Variants in IQSEC1 observed in about 807,000 individuals in gnomAD.
IQSEC1 encodes IQ motif and Sec7 domain ArfGEF 1, also known as IQ motif and SEC7 domain-containing protein 1.
Under a neutral mutation model 91.0 loss-of-function variants are expected in IQSEC1, and 31 were observed. The observed-to-expected ratio is 0.34, with a 90% CI of 0.26 to 0.46. The LOEUF (loss-of-function observed/expected upper bound fraction) is 0.46, where lower values mean the gene tolerates loss of function less well. IQSEC1 is among the 20% of genes least tolerant of loss of function. The pLI, the probability that IQSEC1 is intolerant of heterozygous loss-of-function variation, is 1.00. For synonymous variants in IQSEC1, 699 were observed against 662.6 expected (o/e 1.05, Z -0.84); for missense variants, 1,388 against 1,575.6 (o/e 0.88, Z 2.02).
intron 1 of IQSEC1, 46 bp from the exon 2 acceptor site, chr3:12,941,911 T>C: frequency 6.6e-7 from 1 of 1,509,710 alleles, no homozygotes; most frequent in Non-Finnish European, 8.9e-7. Flanking sequence ...GCGGGAAATC[T>C]GAACACGACA....
In IQSEC1 at chr3:13,133,328, C is replaced by T. The variant is rs192955041; in HGVS notation, c.302+30776G>A. ...CTTGGTTCTCTTAGCAGGGATATTA[C>T]AGAAGTGGCTGGACCAGGTCACACT... On this transcript the variant is annotated intron_variant, in intron 2 of 15. Coordinates refer to the IQSEC1 transcript ENST00000648114. Among the ~76,000 whole-genome samples the T allele has an allele frequency of 1.4e-4, 22 of 152,346 alleles. 1 individual carries two copies. The highest frequency in any genetic ancestry group is 1.3e-3 in the Admixed American group (20 of 15,306).
rs1048778836 is a variant in IQSEC1 at position 13,059,667 on chromosome 3, C to T, written c.23+13325G>A. On this transcript the variant is annotated intron_variant, in intron 1 of 13. Transcript: ENST00000613206. ...TTGGGAGGCTGAGGTGGGAGGATCA[C>T]CCGAGCCCAGGAGTTCAAGGCTCCA... is the stretch of plus-strand genomic sequence containing the variant. 6.6e-5 allele frequency among the ~76,000 whole-genome samples: 10 copies of T among 152,270 alleles called. No homozygotes were observed. In the East Asian group the frequency reaches 1.5e-3, roughly 24 times the overall value.
chr3:13,066,058 G>C (rs1471988924), intron 1 of IQSEC1, among the ~76,000 whole-genome samples: 6 of 152,216 alleles, frequency 3.9e-5, no homozygotes, highest in African/African-American at 1.4e-4. Flanking sequence ...AGAGCAGAAT[G>C]GTGGGTGCCA....
intron 1 of IQSEC1, among the ~76,000 whole-genome samples, chr3:12,959,542 G>A (rs1475009885): frequency 1.3e-5 from 2 of 152,140 alleles, no homozygotes; most frequent in Non-Finnish European, 2.9e-5. Flanking sequence ...ATCCCAAATG[G>A]GTCAGACACC....
intron 1 of IQSEC1, among the ~76,000 whole-genome samples, chr3:13,054,708 T>C (rs1475723631): frequency 6.6e-6 from 1 of 152,182 alleles, no homozygotes; most frequent in African/African-American, 2.4e-5. Flanking sequence ...GCCTCTGGAC[T>C]TGAGCCCAGG....
At chr3:13,217,364 C>T (rs994917771) in intron 1 of IQSEC1, among the ~76,000 whole-genome samples, 5 of 152,304 alleles carry the variant, frequency 3.3e-5, no homozygotes, top group African/African-American at 7.2e-5. Context: ...AGTCTGGTGG[C>T]GGGGCTTCCT....
At chr3:12,925,246 C>A (rs1214563536) in intron 3 of IQSEC1, among the ~76,000 whole-genome samples, 1 of 152,232 alleles carries the variant, frequency 6.6e-6, no homozygotes. Context: ...TCTGAGCAGA[C>A]TGGAACCCTC....
At chr3:13,255,510 A>G (rs142424299) in intron 1 of IQSEC1, among the ~76,000 whole-genome samples, 3 of 152,312 alleles carry the variant, frequency 2.0e-5, no homozygotes, top group African/African-American at 7.2e-5. Context: ...CACTTCAACT[A>G]ACACAGGAAA....
At chr3:13,065,336 T>A (rs1705197516) in intron 1 of IQSEC1, among the ~76,000 whole-genome samples, 1 of 152,216 alleles carries the variant, frequency 6.6e-6, no homozygotes, top group African/African-American at 2.4e-5. Context: ...GACACAGCCG[T>A]GGCCTCTGGG....
chr3:12,955,541 T>A (rs1278534449), intron 1 of IQSEC1, among the ~76,000 whole-genome samples: 2 of 152,148 alleles, frequency 1.3e-5, no homozygotes, highest in Non-Finnish European at 2.9e-5. Flanking sequence ...GGCATCACTA[T>A]CAGTGCCACA....
chr3:13,038,197 T>C (rs1704106359), intron 1 of IQSEC1, among the ~76,000 whole-genome samples: 1 of 146,696 alleles, frequency 6.8e-6, no homozygotes, highest in Non-Finnish European at 1.5e-5. Context: ...TATAAGTATG[T>C]ATAAAAATAT....
chr3:13,202,712 G>A (rs192422830), intron 1 of IQSEC1, among the ~76,000 whole-genome samples: 14 of 152,206 alleles, frequency 9.2e-5, no homozygotes, highest in African/African-American at 2.6e-4. Flanking sequence ...TGATAGTGAC[G>A]GTTGTATGAC....
In IQSEC1 at chr3:12,908,357, G is replaced by C; in HGVS notation, c.2747C>G (p.Ser916Trp). ...CTAGGCCAAGCTCTTACCGGCTTCC[G>C]AGAGGTCCCGCAGGGAGCTGCTGAG... is the stretch of plus-strand genomic sequence containing the variant. ...SALSSSLRDL[S>W]EAGKRGRRSS... Residue 916 changes from serine to tryptophan, a missense_variant, in exon 12 of 14, where the codon TCG becomes TGG. Coordinates refer to ENST00000613206, the MANE Select transcript of IQSEC1 (RefSeq NM_001134382.3). This position sits in a 1 kb window ranked among gnomAD's most constrained non-coding sequence, Gnocchi z 4.9. The C allele has an allele frequency of 6.2e-7, 1 of 1,611,590 alleles. No homozygotes were observed. The highest frequency in any genetic ancestry group is 8.5e-7 in the Non-Finnish European group (1 of 1,179,942).
At chr3:12,902,680 A>AAG in intron 13 of IQSEC1, 93 bp downstream of exon 13, 1 of 623,084 alleles carries the variant, frequency 1.6e-6, no homozygotes, top group Non-Finnish European at 2.7e-6. Flanking sequence ...CAAAAAAAAA[A>AAG]AAAAAAAAAA....
intron 1 of IQSEC1, among the ~76,000 whole-genome samples, chr3:12,953,321 C>G (rs928413961): frequency 6.6e-6 from 1 of 152,200 alleles, no homozygotes; most frequent in Non-Finnish European, 1.5e-5. Context: ...GCTGATTGTC[C>G]GGTTGCCTCC....
At chr3:12,903,113 G>A (rs1295744839) in intron 12 of IQSEC1, among the ~76,000 whole-genome samples, 1 of 152,238 alleles carries the variant, frequency 6.6e-6, no homozygotes, top group African/African-American at 2.4e-5. Flanking sequence ...GGAGTCTGTT[G>A]AGAGGGACCC....
chr3:12,920,659 C>T, intron 5 of IQSEC1, 63 bp from the exon 6 acceptor site: 1 of 1,529,980 alleles, frequency 6.5e-7, no homozygotes, highest in Non-Finnish European at 9.0e-7. Context: ...CCCTCTCTCA[C>T]CCGCTGAGGC....
At chr3:13,021,742 A>G (rs930289409) in intron 1 of IQSEC1, among the ~76,000 whole-genome samples, 1 of 152,236 alleles carries the variant, frequency 6.6e-6, no homozygotes, top group African/African-American at 2.4e-5. Context: ...GGCCAGGGTC[A>G]CACAGCTGTG....
In IQSEC1 at chr3:12,992,265, G is replaced by A. The variant is rs1054443373; in HGVS notation, c.24-50400C>T. Among the ~76,000 whole-genome samples, 4 of 148,926 alleles carry A rather than the reference G, an allele frequency of 2.7e-5. No homozygotes were observed. Among genetic ancestry groups the A allele is most frequent in the East Asian group, 2.0e-4 (1 of 5,002 alleles). On this transcript the variant is annotated intron_variant, in intron 1 of 13. Coordinates refer to ENST00000613206, the MANE Select transcript of IQSEC1 (RefSeq NM_001134382.3). This position sits in a 1 kb window ranked among gnomAD's most constrained non-coding sequence, Gnocchi z 4.1. Reference sequence around the variant, plus strand: ...AGGGTGGCTCCGGGATGCTCCCTCCGGCACTGATGCTTAATGGCTGGGCTG... The same window carrying A: ...AGGGTGGCTCCGGGATGCTCCCTCCAGCACTGATGCTTAATGGCTGGGCTG...
Sources: gnomAD v4.1 joint callset for allele counts (sites outside exome capture counted in the v4.1 genomes callset) on GRCh38, gnomAD v4.1.1 for gene constraint, Gnocchi (gnomAD v3.1) non-coding constraint, MANE v1.5 for transcripts, NCBI Gene and HGNC (gene_info 2026-07-23, HGNC 2026-07-21) for gene names.